The following BCAT2 variants were observed in gnomAD, a reference collection of about 807,000 sequenced individuals.
BCAT2 encodes the protein branched-chain-amino-acid aminotransferase, mitochondrial.
Under a neutral mutation model 52.9 loss-of-function variants are expected in BCAT2, and 44 were observed. The observed-to-expected ratio is 0.83, with a 90% CI of 0.65 to 1.07. BCAT2 has a LOEUF of 1.07. Ranked by LOEUF, BCAT2 falls within the 50% of genes least tolerant of loss-of-function variation. BCAT2 has a pLI of 0.00. For missense variants in BCAT2, 478 were observed against 521.8 expected (o/e 0.92, Z 0.82); for synonymous variants, 215 against 217.1 (o/e 0.99, Z 0.08).
At chr19:48,797,155 C>A (rs1399860299) in intron 7 of BCAT2, 36 bp downstream of exon 7, 5 of 1,611,662 alleles carry the variant, frequency 3.1e-6, no homozygotes, top group Non-Finnish European at 4.2e-6. Flanking sequence ...CCACCCACTT[C>A]CACCAGGGTT....
intron 1 of BCAT2, among the ~76,000 whole-genome samples, chr19:48,808,602 CA>C (rs930606406): frequency 1.3e-5 from 2 of 150,164 alleles, no homozygotes; most frequent in African/African-American, 4.9e-5. Flanking sequence ...ACAGAAAATA[CA>C]AGTTAGCTGG....
intron 3 of BCAT2, among the ~76,000 whole-genome samples, chr19:48,804,597 C>T (rs961455688): frequency 2.0e-5 from 3 of 152,054 alleles, no homozygotes; most frequent in Admixed American, 6.6e-5. Flanking sequence ...GGTCGGCCTG[C>T]AATCCACACA....
chr19:48,808,385 A>C, intron 1 of BCAT2: 2 of 421,280 alleles, frequency 4.7e-6, no homozygotes, highest in Non-Finnish European at 6.3e-6. Flanking sequence ...AAACACAGAA[A>C]GGGGCGCACA....
intron 10 of BCAT2, chr19:48,795,787 A>G: frequency 2.5e-6 from 1 of 401,684 alleles, no homozygotes; most frequent in Non-Finnish European, 4.5e-6. Context: ...AGTTTACAGA[A>G]ATGTAGCTCT....
chr19:48,810,704 T>A, intron 1 of BCAT2: 2,396 of 387,742 alleles, frequency 6.2e-3, no homozygotes, highest in Non-Finnish European at 7.9e-3. Context: ...CCCCCACGCC[T>A]CCCTCATTAC....
At chr19:48,804,066 G>C (rs1305926195) in intron 3 of BCAT2, among the ~76,000 whole-genome samples, 1 of 152,086 alleles carries the variant, frequency 6.6e-6, no homozygotes, top group African/African-American at 2.4e-5. Context: ...TGAGGCAGGA[G>C]AATCACTTGA....
rs2034598252 is a variant in BCAT2 at position 48,799,100 on chromosome 19, C to A, written c.695+575G>T. On this transcript the variant is annotated intron_variant, in intron 6 of 10. Transcript: ENST00000316273. This position sits in a 1 kb window ranked among gnomAD's most constrained non-coding sequence, Gnocchi z 5.5. ...ACAGGGCCTGGCCCTCAGGAGACCT[C>A]ACAGGATGTGGCTGAAAGGACCTGA... is the stretch of plus-strand genomic sequence containing the variant. The A allele has an allele frequency of 6.6e-6, 1 of 152,336 alleles. No homozygotes were observed. 9.4% of individuals were successfully genotyped at this position (152,336 alleles called of 1,614,324 possible). A position where few individuals can be genotyped will look rare whatever the true frequency, so the allele number is the denominator to read the frequency against.
rs2034815910 is a variant in BCAT2, at chr19:48,807,451, G to A, written c.25-377C>T. The A allele has an allele frequency of 1.5e-5, 3 of 195,964 alleles. No individual in the cohort carries two copies. The South Asian group carries it at 2.5e-4, about 16-fold the overall frequency. The allele number at this position is 195,964 out of a possible 1,614,324, so 12.1% of individuals were successfully genotyped here. A position where few individuals can be genotyped will look rare whatever the true frequency, so the allele number is the denominator to read the frequency against. On this transcript the variant is annotated intron_variant, in intron 1 of 10. Transcript: ENST00000316273. The surrounding 1 kb of genome is among the most constrained non-coding windows in gnomAD (Gnocchi z 4.6). ...GTGCTGACAGGCCTTAGAAGACCAA[G>A]GACCGACAGGTCCTGCTCCCCCAGA...
chr19:48,798,021 GC>G (rs2034570467), intron 6 of BCAT2, among the ~76,000 whole-genome samples: 2 of 151,846 alleles, frequency 1.3e-5, no homozygotes, highest in South Asian at 4.2e-4. Context: ...GCCCGCCTCA[GC>G]CCCCCAAAGT....
intron 1 of BCAT2, among the ~76,000 whole-genome samples, chr19:48,808,940 G>T (rs1038689483): frequency 6.6e-6 from 1 of 151,582 alleles, no homozygotes; most frequent in Non-Finnish European, 1.5e-5. Context: ...CAGGTATGGT[G>T]GCACACACCT....
chr19:48,810,242 A>T (rs950124086), intron 1 of BCAT2, among the ~76,000 whole-genome samples: 12 of 152,232 alleles, frequency 7.9e-5, no homozygotes, highest in Admixed American at 6.5e-4. Flanking sequence ...AAGTTAACAG[A>T]CAGTTCTCCC....
chr19:48,810,309 T>C (rs536097883), intron 1 of BCAT2, among the ~76,000 whole-genome samples: 4 of 152,252 alleles, frequency 2.6e-5, no homozygotes, highest in South Asian at 4.1e-4. Flanking sequence ...GCTGTTTCCT[T>C]CCTCACTGAG....
intron 3 of BCAT2, among the ~76,000 whole-genome samples, chr19:48,802,872 G>A (rs2034687472): frequency 6.6e-6 from 1 of 152,320 alleles, no homozygotes; most frequent in South Asian, 2.1e-4. Context: ...CAAGAAAGAT[G>A]GAAAAAGCTC....
chr19:48,797,133 G>T, intron 7 of BCAT2, 58 bp downstream of exon 7: 2 of 1,608,576 alleles, frequency 1.2e-6, no homozygotes, highest in South Asian at 2.2e-5. Flanking sequence ...TAACCTGCCA[G>T]GAATGATGGT....
chr19:48,795,429 C>A lies in BCAT2; in HGVS notation c.1176G>T (p.Val392=). 1 of 1,614,022 alleles carries A rather than the reference C, an allele frequency of 6.2e-7. No individual in the cohort carries two copies. The highest frequency in any genetic ancestry group is 1.1e-5 in the South Asian group (1 of 91,074). ...ATCTGGAGCACAGCCTGCAGCTTCA[C>A]ACCGGGAACATCCACTCGTGGGCTC... ...GIRAHEWMFP[V] Residue 392 remains valine (V), a synonymous_variant, in exon 11 of 11, where the codon GTG becomes GTT. Transcript: ENST00000316273.
Position 48,806,562 on chromosome 19 carries a change from G to T in BCAT2, c.255C>A (p.Asn85Lys), listed in dbSNP as rs2034785601. Residue 85 changes from asparagine (N) to lysine (K), a missense_variant, in exon 3 of 11, where the codon AAC becomes AAA. Asn to Lys is a moderately conservative substitution (Grantham distance 94, BLOSUM62 0). Coordinates refer to ENST00000316273, the MANE Select transcript of BCAT2 (RefSeq NM_001190.4). The stretch of plus-strand genomic sequence containing the variant: ...TGGAGGAGGCTGGGTGCAGCGTGAG[G>T]TTCTGGAAGGGCTGGATTCGGGGCT... ...WGQPRIQPFQ[N>K]LTLHPASSSL... The T allele has an allele frequency of 6.2e-7, 1 of 1,614,026 alleles. No homozygotes were observed. Among genetic ancestry groups the T allele is most frequent in the Admixed American group, 1.7e-5 (1 of 60,006 alleles).
intron 7 of BCAT2, 42 bp from the exon 8 acceptor site, chr19:48,797,064 C>T (rs768399968): frequency 6.2e-6 from 10 of 1,612,466 alleles, no homozygotes; most frequent in South Asian, 1.1e-5. Context: ...CCTCTCACCC[C>T]CTAGCACCGC....
At chr19:48,798,030 A>T (rs2034570920) in intron 6 of BCAT2, among the ~76,000 whole-genome samples, 1 of 151,842 alleles carries the variant, frequency 6.6e-6, no homozygotes, top group South Asian at 2.1e-4. Flanking sequence ...AGCCCCCCAA[A>T]GTGCTGGGAT....
chr19:48,810,293 TC>T (rs2034890664), intron 1 of BCAT2, among the ~76,000 whole-genome samples: 1 of 152,288 alleles, frequency 6.6e-6, no homozygotes, highest in Non-Finnish European at 1.5e-5. Context: ...ATGACCCCTT[TC>T]TTTGGCTGTT....
Sources: gnomAD v4.1 joint callset for allele counts (sites outside exome capture counted in the v4.1 genomes callset) on GRCh38, gnomAD v4.1.1 for gene constraint, Gnocchi (gnomAD v3.1) non-coding constraint, MANE v1.5 for transcripts, NCBI Gene and HGNC (gene_info 2026-07-23, HGNC 2026-07-21) for gene names.